Variants in FRMD4B observed in about 807,000 individuals in gnomAD.
The protein encoded by FRMD4B is FERM domain-containing protein 4B.
In FRMD4B, 74 loss-of-function variants were observed where a neutral mutation model predicts 141.5. The ratio of observed to expected loss-of-function variants is 0.52; its 90% CI spans 0.43 to 0.63. The LOEUF is 0.63. Ranked by LOEUF, FRMD4B falls within the 30% of genes least tolerant of loss-of-function variation. FRMD4B has a pLI of 0.00. For missense variants in FRMD4B, 1,366 were observed against 1,253.4 expected (o/e 1.09, Z -1.36); for synonymous variants, 506 against 467.9 (o/e 1.08, Z -1.05).
chr3:69,214,639 G>A (rs12631145), intron 11 of FRMD4B, among the ~76,000 whole-genome samples: 105,434 of 151,958 alleles, frequency 0.69, 38,200 homozygotes, highest in Non-Finnish European at 0.79. Context: ...TGGGAAGATC[G>A]CTTGAGCCCA....
chr3:69,474,843 C>G (rs1705956889), intron 1 of FRMD4B, among the ~76,000 whole-genome samples: 1 of 152,082 alleles, frequency 6.6e-6, no homozygotes, highest in Non-Finnish European at 1.5e-5. Flanking sequence ...TGTTTAACAA[C>G]CCCTTAAACC....
intron 22 of FRMD4B, among the ~76,000 whole-genome samples, chr3:69,174,028 T>G (rs2092617144): frequency 6.6e-6 from 1 of 152,108 alleles, no homozygotes; most frequent in East Asian, 1.9e-4. Flanking sequence ...TCTCAGCTAC[T>G]TGGGAGGCTG....
intron 11 of FRMD4B, chr3:69,199,278 A>AG (rs1439634624): frequency 6.5e-6 from 1 of 153,354 alleles, no homozygotes; most frequent in Admixed American, 6.5e-5. Context: ...TCTCAAAAAA[A>AG]ACAAGATTCA....
intron 19 of FRMD4B, among the ~76,000 whole-genome samples, chr3:69,186,492 A>T (rs2092769261): frequency 6.6e-6 from 1 of 152,048 alleles, no homozygotes; most frequent in South Asian, 2.1e-4. Context: ...CGGGTGGATC[A>T]CCTGAGGTCA....
chr3:69,435,330 A>T (rs1705243215), intron 1 of FRMD4B, among the ~76,000 whole-genome samples: 1 of 151,974 alleles, frequency 6.6e-6, no homozygotes, highest in South Asian at 2.1e-4. Flanking sequence ...CAAGTTCAGG[A>T]ATCTAAGGGT....
intron 9 of FRMD4B, among the ~76,000 whole-genome samples, chr3:69,220,313 T>C (rs2093181803): frequency 6.6e-6 from 1 of 152,166 alleles, no homozygotes; most frequent in Non-Finnish European, 1.5e-5. Context: ...TATCTAAGCA[T>C]AGAAAAGATA....
Position 69,254,012 on chromosome 3 carries a change from C to G in FRMD4B, c.502-3913G>C, listed in dbSNP as rs149625316. Among the ~76,000 whole-genome samples the G allele has an allele frequency of 4.9e-3, 748 of 152,196 alleles. 2 individuals carry two copies. The highest frequency in any genetic ancestry group is 0.017 in the African/African-American group (691 of 41,538). ...GGAGGATGGCTTGAGCCTGGGATGT[C>G]GAAGCTGCAGTGTGCCATGATCATG... On this transcript the variant is annotated intron_variant, in intron 5 of 22. Coordinates refer to ENST00000398540, the MANE Select transcript of FRMD4B (RefSeq NM_015123.3).
At chr3:69,499,521 C>A (rs770153731) in intron 1 of FRMD4B, among the ~76,000 whole-genome samples, 1 of 152,162 alleles carries the variant, frequency 6.6e-6, no homozygotes, top group South Asian at 2.1e-4. Flanking sequence ...AAAACAGAAA[C>A]AAGGACAGCT....
chr3:69,181,794 C>G, intron 20 of FRMD4B, 84 bp from the exon 21 acceptor site: 1 of 766,848 alleles, frequency 1.3e-6, no homozygotes. Flanking sequence ...TGCTGAATGA[C>G]TGAATAGCTC....
rs763899131 is a variant in FRMD4B at position 69,181,720 on chromosome 3, G to C, written c.2040-10C>G. 3 of 1,580,166 alleles carry C rather than the reference G, an allele frequency of 1.9e-6. No homozygotes were observed. The highest frequency in any genetic ancestry group is 2.6e-6 in the Non-Finnish European group (3 of 1,157,516). On this transcript the variant is annotated splice_polypyrimidine_tract_variant and intron_variant, in intron 20 of 22. Coordinates refer to ENST00000398540, the MANE Select transcript of FRMD4B (RefSeq NM_015123.3). The stretch of plus-strand genomic sequence containing the variant: ...AGATGAAGATTCGGGTCTGAAAGAG[G>C]AGAAAGGCAAACTTCTCAACACCAA...
intron 1 of FRMD4B, among the ~76,000 whole-genome samples, chr3:69,497,372 C>A (rs1435739491): frequency 6.6e-6 from 1 of 152,140 alleles, no homozygotes; most frequent in East Asian, 1.9e-4. Flanking sequence ...GAGTATAAAT[C>A]TAGAGCACCT....
At chr3:69,478,089 C>A (rs1320576416) in intron 1 of FRMD4B, among the ~76,000 whole-genome samples, 1 of 152,082 alleles carries the variant, frequency 6.6e-6, no homozygotes, top group Non-Finnish European at 1.5e-5. Context: ...TTTGATTCTT[C>A]TCTCTTTTCT....
At position 69,254,548 on chromosome 3, in the gene FRMD4B, A is replaced by G. The variant is rs376197528; in HGVS notation, c.502-4449T>C. On this transcript the variant is annotated intron_variant, in intron 5 of 22. Coordinates refer to ENST00000398540, the MANE Select transcript of FRMD4B (RefSeq NM_015123.3). ...TTCCAAGGGGAAGCTGACACATACC[A>G]TCTTAACCCTGTGATGAGATATTGC... Among the ~76,000 whole-genome samples, 6 of 152,160 alleles carry G rather than the reference A, an allele frequency of 3.9e-5. No homozygotes were observed. In the East Asian group the frequency reaches 1.2e-3, roughly 29 times the overall value.
chr3:69,270,598 G>A lies in FRMD4B; in HGVS notation c.501+17154C>T, dbSNP rs559005791. On this transcript the variant is annotated intron_variant, in intron 5 of 22. Transcript: ENST00000398540. The stretch of plus-strand genomic sequence containing the variant: ...TTTTTTTTTTTTGAGACGGAGTCTC[G>A]CTCTCTCTCCAGGCTATAGTGCAGT... Among the ~76,000 whole-genome samples the A allele has an allele frequency of 1.0e-4, 14 of 139,678 alleles. No individual in the cohort carries two copies. In the South Asian group the frequency reaches 1.8e-3, roughly 18 times the overall value. The allele number at this position is 139,678 out of a possible 152,430, so 91.6% of individuals were successfully genotyped here. A position where few individuals can be genotyped will look rare whatever the true frequency, so the allele number is the denominator to read the frequency against.
chr3:69,203,502 T>C (rs1486179867), intron 11 of FRMD4B, among the ~76,000 whole-genome samples: 1 of 152,102 alleles, frequency 6.6e-6, no homozygotes, highest in Non-Finnish European at 1.5e-5. Context: ...GTTTGAGGTC[T>C]TGTTCTTGTC....
chr3:69,367,783 G>A (rs528056355), intron 1 of FRMD4B, among the ~76,000 whole-genome samples: 11 of 152,112 alleles, frequency 7.2e-5, no homozygotes, highest in Non-Finnish European at 1.2e-4. Flanking sequence ...TTGCACGTGC[G>A]CCATTACATG....
chr3:69,357,001 T>C (rs1703343016), intron 1 of FRMD4B, among the ~76,000 whole-genome samples: 1 of 152,170 alleles, frequency 6.6e-6, no homozygotes, highest in African/African-American at 2.4e-5. Context: ...TGTCAGTTTG[T>C]GTGAGAAAGG....
At chr3:69,468,832 A>T (rs1388091909) in intron 1 of FRMD4B, among the ~76,000 whole-genome samples, 1 of 152,176 alleles carries the variant, frequency 6.6e-6, no homozygotes, top group Non-Finnish European at 1.5e-5. Flanking sequence ...TGCTGTTCTG[A>T]GAGTTAAAAA....
At chr3:69,210,501 G>T (rs149802862) in intron 11 of FRMD4B, among the ~76,000 whole-genome samples, 1 of 151,704 alleles carries the variant, frequency 6.6e-6, no homozygotes, top group African/African-American at 2.4e-5. Context: ...GTTCTGGTAC[G>T]TTTTCACATT....
Sources: gnomAD v4.1 joint callset for allele counts (sites outside exome capture counted in the v4.1 genomes callset) on GRCh38, gnomAD v4.1.1 for gene constraint, MANE v1.5 for transcripts, NCBI Gene and HGNC (gene_info 2026-07-23, HGNC 2026-07-21) for gene names.